DIP2B: variants seen among roughly 807,000 people sequenced by gnomAD.
DIP2B encodes DIP2 acetate--CoA ligase B (putative).
In DIP2B, 76 loss-of-function variants were observed where a neutral mutation model predicts 198.0. That is an observed-to-expected ratio of 0.38 (90% CI 0.32 to 0.46). The LOEUF is 0.46. DIP2B is among the 20% of genes least tolerant of loss of function. The pLI, the probability that DIP2B is intolerant of heterozygous loss-of-function variation, is 0.99. For missense variants in DIP2B, 1,559 were observed against 1,978.4 expected (o/e 0.79, Z 4.02); for synonymous variants, 701 against 739.1 (o/e 0.95, Z 0.84).
intron 22 of DIP2B, among the ~76,000 whole-genome samples, chr12:50,713,120 A>C (rs1163442566): frequency 2.0e-5 from 3 of 152,154 alleles, no homozygotes; most frequent in Non-Finnish European, 2.9e-5. Flanking sequence ...TTTTTTTAAA[A>C]ATTAAAATAT....
intron 1 of DIP2B, among the ~76,000 whole-genome samples, chr12:50,543,288 T>C (rs1002431121): frequency 6.6e-5 from 10 of 151,684 alleles, no homozygotes; most frequent in South Asian, 2.1e-4. Context: ...TTTTTTTTTT[T>C]CCCCCTTTTT....
At position 50,505,159 on chromosome 12, in the gene DIP2B, G is replaced by C. The variant is rs1016840774; in HGVS notation, c.19G>C (p.Glu7Gln). MAERGL[E>Q]PSPAAVAALP... ...AGCTGGGATGGCGGAACGAGGCCTG[G>C]AGCCGTCGCCGGCCGCGGTGGCGGC... The change falls in exon 1 of 38, where the codon GAG becomes CAG. Residue 7 changes from glutamate (E) to glutamine (Q), a missense_variant. By Grantham distance (29) the Glu-to-Gln change is conservative. Coordinates refer to ENST00000301180, the MANE Select transcript of DIP2B (RefSeq NM_173602.3). 3.3e-6 allele frequency: 5 copies of C among 1,528,412 alleles called. No individual in the cohort carries two copies. In the African/African-American group the frequency reaches 7.0e-5, roughly 21 times the overall value. 94.7% of individuals were successfully genotyped at this position (1,528,412 alleles called of 1,614,324 possible). A position where few individuals can be genotyped will look rare whatever the true frequency, so the allele number is the denominator to read the frequency against.
At chr12:50,685,615 C>A (rs1939118030) in intron 10 of DIP2B, among the ~76,000 whole-genome samples, 1 of 152,104 alleles carries the variant, frequency 6.6e-6, no homozygotes, top group South Asian at 2.1e-4. Flanking sequence ...TTTGTAATGT[C>A]TGGTTAATAA....
intron 33 of DIP2B, among the ~76,000 whole-genome samples, 160 bp from the exon 34 acceptor site, chr12:50,734,913 A>T (rs867859926): frequency 1.4e-4 from 22 of 152,346 alleles, no homozygotes; most frequent in Admixed American, 3.9e-4. Context: ...ACAAAAAATT[A>T]TCTGGCCAAA....
chr12:50,654,594 C>T (rs188336503), intron 3 of DIP2B, among the ~76,000 whole-genome samples: 3 of 152,174 alleles, frequency 2.0e-5, no homozygotes, highest in Admixed American at 2.0e-4. Flanking sequence ...TCATGCAGTC[C>T]TCCCATTTTG....
chr12:50,711,751 G>C (rs1939620532), intron 22 of DIP2B, among the ~76,000 whole-genome samples: 1 of 152,062 alleles, frequency 6.6e-6, no homozygotes, highest in African/African-American at 2.4e-5. Context: ...TACTAGACGG[G>C]GTTTCACCAC....
At chr12:50,592,550 TCA>T (rs1958828911) in intron 1 of DIP2B, among the ~76,000 whole-genome samples, 1 of 152,090 alleles carries the variant, frequency 6.6e-6, no homozygotes, top group Non-Finnish European at 1.5e-5. Flanking sequence ...CGATCTCAGC[TCA>T]CTGCAACCTC....
At chr12:50,591,063 C>G (rs955776816) in intron 1 of DIP2B, among the ~76,000 whole-genome samples, 2 of 152,312 alleles carry the variant, frequency 1.3e-5, no homozygotes, top group African/African-American at 4.8e-5. Flanking sequence ...TTTGAAAACT[C>G]AGCAAGAGGG....
At chr12:50,574,836 A>G (rs1453502799) in intron 1 of DIP2B, among the ~76,000 whole-genome samples, 1 of 152,214 alleles carries the variant, frequency 6.6e-6, no homozygotes, top group South Asian at 2.1e-4. Context: ...GAGACCTTGT[A>G]ACAATTGGCC....
chr12:50,710,385 T>C (rs1344211120), intron 22 of DIP2B, among the ~76,000 whole-genome samples: 1 of 152,040 alleles, frequency 6.6e-6, no homozygotes, highest in Non-Finnish European at 1.5e-5. Flanking sequence ...GTAGAAACAA[T>C]GCAAGCATGA....
intron 1 of DIP2B, among the ~76,000 whole-genome samples, chr12:50,603,690 C>G (rs1301142388): frequency 6.6e-6 from 1 of 151,966 alleles, no homozygotes; most frequent in African/African-American, 2.4e-5. Flanking sequence ...CCACTGCACT[C>G]CAGCCTGGGC....
At chr12:50,653,346 C>CTTTTTTTTTTTTTTTTTTTTTTTTTTTT (rs34185073) in intron 3 of DIP2B, among the ~76,000 whole-genome samples, 1 of 76,634 alleles carries the variant, frequency 1.3e-5, no homozygotes, top group Non-Finnish European at 2.4e-5. Context: ...TTTTTCTTTT[C>CTTTTTTTTTTTTTTTTTTTTTTTTTTTT]TTTTTTTTTT....
chr12:50,545,136 T>C (rs1388759872), intron 1 of DIP2B, among the ~76,000 whole-genome samples: 1 of 152,220 alleles, frequency 6.6e-6, no homozygotes, highest in African/African-American at 2.4e-5. Context: ...GTGGTGCCCA[T>C]ATTTTAGATA....
intron 1 of DIP2B, among the ~76,000 whole-genome samples, chr12:50,560,760 T>A (rs551448931): frequency 4.0e-4 from 61 of 152,074 alleles, no homozygotes; most frequent in South Asian, 2.7e-3. Flanking sequence ...CAAAAAAAAA[T>A]AAATAAATAA....
intron 1 of DIP2B, among the ~76,000 whole-genome samples, chr12:50,530,325 C>T (rs1015133275): frequency 5.9e-5 from 9 of 152,148 alleles, no homozygotes; most frequent in Non-Finnish European, 1.2e-4. Flanking sequence ...CATGATCTGC[C>T]CGCCTCAGCC....
intron 5 of DIP2B, among the ~76,000 whole-genome samples, chr12:50,672,725 A>C (rs1938875978): frequency 6.6e-6 from 1 of 152,212 alleles, no homozygotes; most frequent in African/African-American, 2.4e-5. Context: ...AAAGTAAAAT[A>C]ACCTATAATC....
rs370478703 is a variant in DIP2B at position 50,626,010 on chromosome 12, G to T, written c.135G>T (p.Arg45Ser). ...CCCAGAAGGGCTATGAAAAGAAAAG[G>T]TCCAAACTCCTATCTCCTTACAGCC... is the stretch of plus-strand genomic sequence containing the variant. The part of the protein sequence containing the change: ...DITQKGYEKK[R>S]SKLLSPYSPQ... Residue 45 changes from arginine (R) to serine (S), a missense_variant, in exon 2 of 38, where the codon AGG becomes AGT. Arg to Ser is a moderately radical substitution (Grantham distance 110). Coordinates refer to ENST00000301180, the MANE Select transcript of DIP2B (RefSeq NM_173602.3). 1 of 1,614,072 alleles carries T rather than the reference G, an allele frequency of 6.2e-7. No homozygotes were observed. The highest frequency in any genetic ancestry group is 1.1e-5 in the South Asian group (1 of 91,080).
At chr12:50,605,793 A>T (rs549560135) in intron 1 of DIP2B, among the ~76,000 whole-genome samples, 3 of 151,788 alleles carry the variant, frequency 2.0e-5, no homozygotes, top group Middle Eastern at 3.4e-3. Flanking sequence ...TTTTTCTCTT[A>T]ATTTATTTAT....
chr12:50,636,224 G>A (rs1452964655), intron 2 of DIP2B, among the ~76,000 whole-genome samples: 1 of 152,208 alleles, frequency 6.6e-6, no homozygotes, highest in Non-Finnish European at 1.5e-5. Context: ...ATACTCGGTA[G>A]GCAATGTGCC....
Sources: gnomAD v4.1 joint callset for allele counts (sites outside exome capture counted in the v4.1 genomes callset) on GRCh38, gnomAD v4.1.1 for gene constraint, MANE v1.5 for transcripts, NCBI Gene and HGNC (gene_info 2026-07-23, HGNC 2026-07-21) for gene names.